Variants in ARID1A observed in about 807,000 individuals in gnomAD.
The protein encoded by ARID1A is AT-rich interaction domain 1A.
Under a neutral mutation model 212.6 loss-of-function variants are expected in ARID1A, and 20 were observed. The observed-to-expected ratio is 0.09, with a 90% CI of 0.07 to 0.14. The LOEUF is 0.14. Among genes scored for constraint, ARID1A ranks in the 10% least tolerant of loss-of-function variants. The pLI, the probability that ARID1A is intolerant of heterozygous loss-of-function variation, is 1.00. For missense variants in ARID1A, 2,587 were observed against 3,059.0 expected (o/e 0.85, Z 3.64); for synonymous variants, 1,376 against 1,222.1 (o/e 1.13, Z -2.63).
chr1:26,771,510 G>A lies in ARID1A; in HGVS notation c.3406+184G>A. ...TGGGCAGTGGAAACTCCCTTGGGAG[G>A]TACTCTACGGCAGCTCTTAAGTTTT... On this transcript the variant is annotated intron_variant, in intron 12 of 19. Coordinates refer to ENST00000324856, the MANE Select transcript of ARID1A (RefSeq NM_006015.6). The surrounding 1 kb of genome is among the most constrained non-coding windows in gnomAD (Gnocchi z 5.4). 1.6e-6 allele frequency: 1 copy of A among 631,006 alleles called. No homozygotes were observed. The allele number at this position is 631,006 out of a possible 1,614,324, so 39.1% of individuals were successfully genotyped here.
intron 1 of ARID1A, among the ~76,000 whole-genome samples, chr1:26,726,467 G>A (rs1419897585): frequency 1.3e-5 from 2 of 152,128 alleles, no homozygotes; most frequent in Non-Finnish European, 2.9e-5. Flanking sequence ...GAGACACTGC[G>A]CCCAGCCAGG....
intron 1 of ARID1A, among the ~76,000 whole-genome samples, chr1:26,704,844 G>T (rs1303513887): frequency 6.7e-6 from 1 of 150,154 alleles, no homozygotes; most frequent in Non-Finnish European, 1.5e-5. Context: ...GGGCAATGGA[G>T]CCAAGACCTT....
In ARID1A at chr1:26,762,288, TGGTCCCCAGGGG is replaced by T; in HGVS notation, c.2393_2404del (p.Pro798_Gly801del). ...ACCAGCAGAACTCCATGGGGAGCTATGGTCCCCAGGGGGGTCAGTATGGCCCACAAGGTCAGT... is the reference window on the plus strand; with the variant it reads ...ACCAGCAGAACTCCATGGGGAGCTATGGTCAGTATGGCCCACAAGGTCAGT... On this transcript the variant is annotated inframe_deletion, in exon 7 of 20. Transcript: ENST00000324856. The T allele has an allele frequency of 6.2e-7, 1 of 1,614,184 alleles. No individual in the cohort carries two copies. Among genetic ancestry groups the T allele is most frequent in the Non-Finnish European group, 8.5e-7 (1 of 1,180,026 alleles).
chr1:26,740,861 G>T (rs186574198), intron 4 of ARID1A, among the ~76,000 whole-genome samples: 8 of 152,182 alleles, frequency 5.3e-5, no homozygotes, highest in Admixed American at 1.3e-4. Flanking sequence ...AAGAATACAG[G>T]ACTGAGAATA....
In ARID1A at chr1:26,781,648, A is replaced by T. The variant is rs60798877; in HGVS notation, c.*892A>T. 13,415 of 233,624 alleles carry T rather than the reference A, an allele frequency of 0.057. 481 individuals carry two copies. Among genetic ancestry groups the T allele is most frequent in the Non-Finnish European group, 0.078 (9,164 of 118,016 alleles). The allele number at this position is 233,624 out of a possible 1,614,324, so 14.5% of individuals were successfully genotyped here. On this transcript the variant is annotated 3_prime_UTR_variant, in exon 20 of 20. Coordinates refer to ENST00000324856, the MANE Select transcript of ARID1A (RefSeq NM_006015.6). ...CGTTGTACATTGCACATACCCTTGG[A>T]TCCCCACAGTTTGGTCCTCCTCCCA...
chr1:26,760,562 G>A (rs2080981664), intron 4 of ARID1A, among the ~76,000 whole-genome samples: 1 of 152,206 alleles, frequency 6.6e-6, no homozygotes, highest in South Asian at 2.1e-4. Context: ...GGTGGTGCTT[G>A]CCTGTAATCC....
Position 26,773,462 on chromosome 1 carries a change from C to T in ARID1A, c.3832C>T (p.His1278Tyr), listed in dbSNP as rs2124111375. 6.2e-7 allele frequency: 1 copy of T among 1,613,526 alleles called. No individual in the cohort carries two copies. The highest frequency in any genetic ancestry group is 8.5e-7 in the Non-Finnish European group (1 of 1,179,740). ...LGNVAMGPRQ[H>Y]YPYGGPYDRV... Reference sequence around the variant, plus strand: ...AAATGTGGCGATGGGACCACGACAGCACTATCCCTATGGAGGTCCTTATGA... The same window carrying T: ...AAATGTGGCGATGGGACCACGACAGTACTATCCCTATGGAGGTCCTTATGA... Residue 1278 changes from histidine to tyrosine, a missense_variant, in exon 15 of 20, where the codon CAC (histidine) becomes TAC (tyrosine). Transcript: ENST00000324856.
In ARID1A at chr1:26,771,288, C is replaced by G. The variant is rs369681127; in HGVS notation, c.3368C>G (p.Ser1123Cys). 8 of 1,614,140 alleles carry G rather than the reference C, an allele frequency of 5.0e-6. No homozygotes were observed. The South Asian group carries it at 6.6e-5, about 13-fold the overall frequency. Residue 1123 changes from serine to cysteine, a missense_variant, in exon 12 of 20, where the codon TCC (serine) becomes TGC (cysteine). Ser to Cys is a moderately radical substitution (Grantham distance 112). Around this residue, in one of 11 missense-constraint regions of ARID1A, gnomAD observed 890 missense variants for 1,098.2 expected, o/e 0.81. Transcript: ENST00000324856. The surrounding 1 kb of genome is among the most constrained non-coding windows in gnomAD (Gnocchi z 5.4). ...PPPDIFAAAD[S>C]KKSQPKIQPP... ...CCAGACATCTTTGCAGCTGCTGATT[C>G]CAAGAAGTCCCAGCCCAAGATCCAG...
chr1:26,773,695 C>A lies in ARID1A; in HGVS notation c.3982C>A (p.Gln1328Lys). ...TTCTCCTAGCCGCTACCCCCCGCAG[C>A]AGCAGCAGCAGCAGCAGCAACGGTG... ...MYSPSRYPPQQQQQQQQRHDS... is the reference protein window; with the variant it reads ...MYSPSRYPPQKQQQQQQRHDS... Residue 1328 changes from glutamine (Q) to lysine (K), a missense_variant, in exon 16 of 20, where the codon CAG becomes AAG. Physicochemically the swap from Gln to Lys is moderately conservative, Grantham distance 53. Coordinates refer to ENST00000324856, the MANE Select transcript of ARID1A (RefSeq NM_006015.6). The A allele has an allele frequency of 6.2e-7, 1 of 1,613,524 alleles. No homozygotes were observed. The highest frequency in any genetic ancestry group is 8.5e-7 in the Non-Finnish European group (1 of 1,179,546).
At chr1:26,763,870 C>G (rs1265539257) in intron 8 of ARID1A, among the ~76,000 whole-genome samples, 1 of 152,218 alleles carries the variant, frequency 6.6e-6, no homozygotes, top group Non-Finnish European at 1.5e-5. Context: ...TTCACTGCAG[C>G]CTCGACCTCC....
chr1:26,709,031 C>T (rs1055084605), intron 1 of ARID1A, among the ~76,000 whole-genome samples: 2 of 152,050 alleles, frequency 1.3e-5, no homozygotes, highest in East Asian at 3.9e-4. Context: ...GGGAAATGAA[C>T]ACATAAAGTT....
In ARID1A at chr1:26,779,447, A is replaced by G. The variant is rs750044693; in HGVS notation, c.5549A>G (p.Asp1850Gly). 5 of 1,613,614 alleles carry G rather than the reference A, an allele frequency of 3.1e-6. No individual in the cohort carries two copies. Among genetic ancestry groups the G allele is most frequent in the African/African-American group, 1.3e-5 (1 of 74,752 alleles). Residue 1850 changes from aspartate to glycine, a missense_variant, in exon 20 of 20, where the codon GAC (aspartate) becomes GGC (glycine). Asp to Gly is a moderately conservative substitution (Grantham distance 94, BLOSUM62 -1). Transcript: ENST00000324856. ...GLLHWRIGGG[D>G]TTEHIQTHFE... The stretch of plus-strand genomic sequence containing the variant: ...CTGCACTGGCGGATTGGTGGGGGGG[A>G]CACCACTGAGCATATCCAGACCCAC...
In ARID1A at chr1:26,731,359, C is replaced by G. The variant is rs2124788932; in HGVS notation, c.1558C>G (p.Gln520Glu). 1.2e-6 allele frequency: 2 copies of G among 1,613,954 alleles called. No homozygotes were observed. The highest frequency in any genetic ancestry group is 1.7e-6 in the Non-Finnish European group (2 of 1,179,970). The change falls in exon 3 of 20, where the codon CAG becomes GAG. Residue 520 changes from glutamine to glutamate, a missense_variant. Around this residue, in one of 11 missense-constraint regions of ARID1A, gnomAD observed 674 missense variants for 813.4 expected, o/e 0.83. Transcript: ENST00000324856. ...CCAGTCCTCTCAGCCTCCATACTCC[C>G]AGCAGCCATCCCAGCCTCCACATCA... ...QLQSSQPPYSQQPSQPPHQQS... is the reference protein window; with the variant it reads ...QLQSSQPPYSEQPSQPPHQQS...
Position 26,774,126 on chromosome 1 carries a change from T to G in ARID1A, c.4102-203T>G. On this transcript the variant is annotated intron_variant, in intron 17 of 19. Transcript: ENST00000324856. The surrounding 1 kb of genome is among the most constrained non-coding windows in gnomAD (Gnocchi z 5.6). Reference sequence around the variant, plus strand: ...TATTTTGATTTTTAGGTTTTGTATATTTTTCTACTTAAGCAAGGGAAGGGA... The same window carrying G: ...TATTTTGATTTTTAGGTTTTGTATAGTTTTCTACTTAAGCAAGGGAAGGGA... 1 of 1,180,168 alleles carries G rather than the reference T, an allele frequency of 8.5e-7. No individual in the cohort carries two copies. The highest frequency in any genetic ancestry group is 1.7e-5 in the South Asian group (1 of 57,668). The allele number at this position is 1,180,168 out of a possible 1,614,324, so 73.1% of individuals were successfully genotyped here.
chr1:26,773,888 A>G lies in ARID1A; in HGVS notation c.4091A>G (p.Gln1364Arg), dbSNP rs2124115312. 1.9e-6 allele frequency: 3 copies of G among 1,614,146 alleles called. No individual in the cohort carries two copies. The highest frequency in any genetic ancestry group is 2.5e-6 in the Non-Finnish European group (3 of 1,180,000). The change falls in exon 17 of 20, where the codon CAG becomes CGG. Residue 1364 changes from glutamine (Q) to arginine (R), a missense_variant. Around this residue, in one of 11 missense-constraint regions of ARID1A, gnomAD observed 890 missense variants for 1,098.2 expected, o/e 0.81. Coordinates refer to ENST00000324856, the MANE Select transcript of ARID1A (RefSeq NM_006015.6). ...AGCCAGCAGACTACAATGTATCAAC[A>G]GCAACAGCAGGTGAGGAGGGTAGCT... ...FPSQQTTMYQ[Q>R]QQQNYKRPMD...
At chr1:26,723,423 A>G (rs933993511) in intron 1 of ARID1A, among the ~76,000 whole-genome samples, 2 of 152,178 alleles carry the variant, frequency 1.3e-5, no homozygotes, top group African/African-American at 4.8e-5. Context: ...GCCTTTGTAT[A>G]GGGAGCTCTG....
rs535128193 is a variant in ARID1A, at chr1:26,748,478, G to A, written c.1921-12378G>A. On this transcript the variant is annotated intron_variant, in intron 4 of 19. Coordinates refer to ENST00000324856, the MANE Select transcript of ARID1A (RefSeq NM_006015.6). Reference sequence around the variant, plus strand: ...GAATGCTTGGCTTTGAGAAAGTAGGGGGTTCCTAACTTCTTTGCCTTCTCT... The same window carrying A: ...GAATGCTTGGCTTTGAGAAAGTAGGAGGTTCCTAACTTCTTTGCCTTCTCT... Among the ~76,000 whole-genome samples the A allele has an allele frequency of 3.9e-5, 6 of 152,164 alleles. 1 individual carries two copies. In the South Asian group the frequency reaches 8.3e-4, roughly 21 times the overall value.
intron 1 of ARID1A, among the ~76,000 whole-genome samples, chr1:26,716,312 G>A (rs916541383): frequency 2.6e-5 from 4 of 152,086 alleles, no homozygotes; most frequent in African/African-American, 9.7e-5. Context: ...GAATCAGATA[G>A]TATGTTATGA....
intron 1 of ARID1A, among the ~76,000 whole-genome samples, chr1:26,721,185 ATTG>A (rs1174693193): frequency 6.6e-6 from 1 of 151,974 alleles, no homozygotes; most frequent in Non-Finnish European, 1.5e-5. Context: ...GGGTCTTACT[ATTG>A]TTTTGGTCAC....
Sources: gnomAD v4.1 joint callset for allele counts (sites outside exome capture counted in the v4.1 genomes callset) on GRCh38, gnomAD v4.1.1 for gene constraint, gnomAD v4.1.1 regional missense constraint, Gnocchi (gnomAD v3.1) non-coding constraint, MANE v1.5 for transcripts, NCBI Gene and HGNC (gene_info 2026-07-23, HGNC 2026-07-21) for gene names.